The following SNTG1 variants were observed in gnomAD, a reference collection of about 807,000 sequenced individuals.
SNTG1 encodes syntrophin gamma 1.
SNTG1 carries 39 observed loss-of-function variants against 74.7 expected under a neutral mutation model. The ratio of observed to expected loss-of-function variants is 0.52; its 90% CI spans 0.40 to 0.68. SNTG1 has a LOEUF of 0.68. Among genes scored for constraint, SNTG1 ranks in the 30% least tolerant of loss-of-function variants. SNTG1 has a pLI of 0.00. For synonymous variants in SNTG1, 254 were observed against 217.1 expected, an observed-to-expected ratio of 1.17 and a Z score of -1.49; for missense variants, 685 against 609.5, an observed-to-expected ratio of 1.12 and a Z score of -1.30.
chr8:50,789,322 T>C (rs1417680241), intron 18 of SNTG1, among the ~76,000 whole-genome samples: 1 of 151,998 alleles, frequency 6.6e-6, no homozygotes, highest in East Asian at 1.9e-4. Context: ...ATTTCTTCTT[T>C]GCTGGTTCTA....
intron 1 of SNTG1, among the ~76,000 whole-genome samples, chr8:50,039,286 TCTA>T (rs1219400204): frequency 1.3e-5 from 2 of 151,576 alleles, no homozygotes; most frequent in Non-Finnish European, 2.9e-5. Flanking sequence ...AAATACTGTG[TCTA>T]CTAAAAATGC....
intron 9 of SNTG1, among the ~76,000 whole-genome samples, chr8:50,508,228 T>C (rs995267139): frequency 6.6e-6 from 1 of 152,218 alleles, no homozygotes. Context: ...GTTTCATCCA[T>C]GTCCTTACAA....
intron 13 of SNTG1, among the ~76,000 whole-genome samples, chr8:50,644,964 G>A (rs2095098408): frequency 1.3e-5 from 2 of 148,352 alleles, no homozygotes; most frequent in South Asian, 4.3e-4. Flanking sequence ...CTATGTTGCC[G>A]AGGCTGGTCT....
intron 8 of SNTG1, chr8:50,491,395 C>G (rs532764572): frequency 6.6e-6 from 1 of 152,312 alleles, no homozygotes; most frequent in Admixed American, 6.5e-5. Context: ...AACACAAATG[C>G]GTTTTTGATG....
intron 2 of SNTG1, among the ~76,000 whole-genome samples, chr8:50,202,161 G>C (rs2084011627): frequency 6.6e-6 from 1 of 151,962 alleles, no homozygotes; most frequent in Non-Finnish European, 1.5e-5. Context: ...TTCTTATCAT[G>C]GTCTGAATTC....
intron 4 of SNTG1, among the ~76,000 whole-genome samples, chr8:50,421,051 G>T (rs1390375012): frequency 4.3e-5 from 1 of 23,148 alleles, no homozygotes; most frequent in Non-Finnish European, 8.5e-5. Flanking sequence ...GTGGGCGGGG[G>T]AGGGGGGGGC....
At chr8:50,735,964 A>G (rs1019025502) in intron 17 of SNTG1, among the ~76,000 whole-genome samples, 3 of 152,104 alleles carry the variant, frequency 2.0e-5, no homozygotes, top group Non-Finnish European at 4.4e-5. Flanking sequence ...GGGGGCCAAT[A>G]TTTAACATTC....
intron 2 of SNTG1, among the ~76,000 whole-genome samples, chr8:50,271,904 T>C (rs2087799857): frequency 6.6e-6 from 1 of 152,156 alleles, no homozygotes; most frequent in Non-Finnish European, 1.5e-5. Context: ...GATTAGGCAA[T>C]GAAGGCAAAA....
chr8:50,203,403 T>C (rs1436477650), intron 2 of SNTG1, among the ~76,000 whole-genome samples: 1 of 152,160 alleles, frequency 6.6e-6, no homozygotes, highest in Non-Finnish European at 1.5e-5. Flanking sequence ...AGGTGACAGT[T>C]TGGCATGAGA....
At chr8:50,324,482 G>T (rs1235553317) in intron 2 of SNTG1, among the ~76,000 whole-genome samples, 1 of 152,122 alleles carries the variant, frequency 6.6e-6, no homozygotes, top group Non-Finnish European at 1.5e-5. Context: ...TTCTGCATGT[G>T]GTTGGTTGTT....
intron 18 of SNTG1, among the ~76,000 whole-genome samples, chr8:50,778,092 G>A (rs970294030): frequency 4.6e-5 from 7 of 151,884 alleles, no homozygotes; most frequent in South Asian, 2.1e-4. Context: ...TTTCTTAATC[G>A]AGTCTATCAT....
intron 12 of SNTG1, among the ~76,000 whole-genome samples, chr8:50,561,698 A>G (rs1246225015): frequency 6.6e-6 from 1 of 152,230 alleles, no homozygotes; most frequent in African/African-American, 2.4e-5. Context: ...CCTGGCTATG[A>G]GGAAACTGAA....
chr8:50,461,195 G>A (rs965827562), intron 8 of SNTG1, among the ~76,000 whole-genome samples: 2 of 149,136 alleles, frequency 1.3e-5, no homozygotes, highest in African/African-American at 5.1e-5. Flanking sequence ...GTGTGTGTGT[G>A]TGTGTGTGTG....
intron 1 of SNTG1, among the ~76,000 whole-genome samples, chr8:50,113,546 T>G (rs943787445): frequency 1.4e-4 from 22 of 152,260 alleles, no homozygotes; most frequent in Middle Eastern, 3.4e-3. Flanking sequence ...CAATTTGACT[T>G]CCTTTTTTCC....
chr8:50,403,486 A>C (rs919482630), intron 4 of SNTG1, among the ~76,000 whole-genome samples: 2 of 152,186 alleles, frequency 1.3e-5, no homozygotes, highest in Non-Finnish European at 2.9e-5. Context: ...ATAATAGAGA[A>C]GTGACATGAG....
chr8:50,337,057 G>A (rs553202994), intron 2 of SNTG1, among the ~76,000 whole-genome samples: 1 of 152,060 alleles, frequency 6.6e-6, no homozygotes, highest in East Asian at 1.9e-4. Flanking sequence ...AGTCCCCCTG[G>A]CTTTTTTCCC....
At chr8:50,105,561 T>G (rs751076786) in intron 1 of SNTG1, among the ~76,000 whole-genome samples, 3 of 152,074 alleles carry the variant, frequency 2.0e-5, no homozygotes, top group Non-Finnish European at 4.4e-5. Context: ...TTTTTTCTAA[T>G]TCTGTGAAGA....
At chr8:50,792,500 T>C (rs992140488) in intron 18 of SNTG1, among the ~76,000 whole-genome samples, 171 bp from the exon 19 acceptor site, 2 of 151,918 alleles carry the variant, frequency 1.3e-5, no homozygotes, top group African/African-American at 4.8e-5. Flanking sequence ...TTTTCACTAC[T>C]TACGATGTTT....
At chr8:50,758,176 T>C (rs1216338241) in intron 18 of SNTG1, among the ~76,000 whole-genome samples, 1 of 151,876 alleles carries the variant, frequency 6.6e-6, no homozygotes, top group Non-Finnish European at 1.5e-5. Flanking sequence ...CTATTAAAGC[T>C]TGTGGTATAT....
Sources: gnomAD v4.1 joint callset for allele counts (sites outside exome capture counted in the v4.1 genomes callset) on GRCh38, gnomAD v4.1.1 for gene constraint, MANE v1.5 for transcripts, NCBI Gene and HGNC (gene_info 2026-07-23, HGNC 2026-07-21) for gene names.